The following SORCS1 variants were observed in gnomAD, a reference collection of about 807,000 sequenced individuals.
SORCS1 encodes the protein sortilin related VPS10 domain containing receptor 1, also known as VPS10 domain-containing receptor SorCS1.
A neutral mutation model predicts 146.1 loss-of-function variants in SORCS1; 60 were observed. The observed-to-expected ratio is 0.41, with a 90% CI of 0.33 to 0.51. The LOEUF (loss-of-function observed/expected upper bound fraction) is 0.51. Ranked by LOEUF, SORCS1 falls within the 20% of genes least tolerant of loss-of-function variation. The pLI is 0.21. For missense variants in SORCS1, 1,352 were observed against 1,487.6 expected (o/e 0.91, Z 1.50); for synonymous variants, 637 against 584.0 (o/e 1.09, Z -1.31).
intron 21 of SORCS1, among the ~76,000 whole-genome samples, chr10:106,616,819 G>A (rs1201306430): frequency 6.6e-6 from 1 of 152,166 alleles, no homozygotes; most frequent in Non-Finnish European, 1.5e-5. Flanking sequence ...GGCAAGATGA[G>A]CATTAACAGA....
intron 1 of SORCS1, among the ~76,000 whole-genome samples, chr10:107,145,811 TA>T (rs1311798405): frequency 1.3e-5 from 2 of 152,198 alleles, no homozygotes; most frequent in Admixed American, 6.5e-5. Context: ...GGACAACTTT[TA>T]AATAGAGAGA....
rs971103195 is a variant in SORCS1 at position 107,124,536 on chromosome 10, AAAGG to A, written c.558+39429_558+39432del. On this transcript the variant is annotated intron_variant, in intron 1 of 25. Transcript: ENST00000263054. The stretch of plus-strand genomic sequence containing the variant: ...CTCTTAACTGAGCACAGAAAACTGA[AAAGG>A]AAGGTAAACGAACCATTAATGGCAT... Among the ~76,000 whole-genome samples, 145 of 152,268 alleles carry A rather than the reference AAAGG, an allele frequency of 9.5e-4. 2 individuals carry two copies. The highest frequency in any genetic ancestry group is 3.4e-3 in the Middle Eastern group (1 of 294).
intron 5 of SORCS1, among the ~76,000 whole-genome samples, chr10:106,753,025 C>G (rs541299138): frequency 6.6e-6 from 1 of 151,768 alleles, no homozygotes; most frequent in East Asian, 1.9e-4. Context: ...TTTTTGCAGA[C>G]AGTGACCTGC....
At chr10:106,889,325 G>A (rs1412299622) in intron 2 of SORCS1, among the ~76,000 whole-genome samples, 1 of 152,100 alleles carries the variant, frequency 6.6e-6, no homozygotes, top group Admixed American at 6.5e-5. Context: ...GACAGCAATT[G>A]TAGGGCCTTA....
At chr10:106,758,051 A>C (rs1438610173) in intron 5 of SORCS1, among the ~76,000 whole-genome samples, 3 of 152,226 alleles carry the variant, frequency 2.0e-5, no homozygotes, top group Non-Finnish European at 1.5e-5. Flanking sequence ...AAACAAAAGA[A>C]GGAGGTTTTA....
At chr10:107,006,565 C>G (rs921430216) in intron 1 of SORCS1, among the ~76,000 whole-genome samples, 1 of 152,222 alleles carries the variant, frequency 6.6e-6, no homozygotes, top group Admixed American at 6.5e-5. Context: ...CGCCTGTAAT[C>G]CCAGCACTTT....
intron 2 of SORCS1, among the ~76,000 whole-genome samples, chr10:106,838,994 A>G (rs1254252552): frequency 6.6e-6 from 1 of 152,154 alleles, no homozygotes; most frequent in African/African-American, 2.4e-5. Flanking sequence ...GACTGCTCCA[A>G]CAACCAGCTA....
Position 106,577,242 on chromosome 10 carries a change from G to T in SORCS1, c.*178C>A. On this transcript the variant is annotated 3_prime_UTR_variant, in exon 26 of 26. Transcript: ENST00000263054. ...CCATTCAAACATTTACATAGGTAGG[G>T]ATTTCTTTTGTGCTTTGATTCTCAG... 1 of 1,595,118 alleles carries T rather than the reference G, an allele frequency of 6.3e-7. No homozygotes were observed.
intron 17 of SORCS1, among the ~76,000 whole-genome samples, chr10:106,664,329 G>C (rs545168218): frequency 1.3e-5 from 2 of 152,052 alleles, no homozygotes; most frequent in Non-Finnish European, 2.9e-5. Flanking sequence ...TGTTTTATTT[G>C]ATGTTAGTCA....
At position 106,618,408 on chromosome 10, in the gene SORCS1, T is replaced by G. The variant is rs1847521380; in HGVS notation, c.2797-136A>C. 10 of 1,077,074 alleles carry G rather than the reference T, an allele frequency of 9.3e-6. No individual in the cohort carries two copies. In the South Asian group the frequency reaches 1.4e-4, roughly 16 times the overall value. The allele number at this position is 1,077,074 out of a possible 1,614,324, so 66.7% of individuals were successfully genotyped here. The stretch of plus-strand genomic sequence containing the variant: ...ATGTACCACAATGGCACTGAGTCCC[T>G]CTATGCCTCCCTATCATCTCAAGCC... On this transcript the variant is annotated intron_variant, in intron 20 of 25. Transcript: ENST00000263054.
At chr10:106,679,403 G>T in intron 11 of SORCS1, 71 bp from the exon 12 acceptor site, 1 of 1,263,850 alleles carries the variant, frequency 7.9e-7, no homozygotes, top group Non-Finnish European at 1.1e-6. Context: ...ATTGGCAGGT[G>T]CACTGCCTGA....
At chr10:106,854,948 A>T (rs966728747) in intron 2 of SORCS1, among the ~76,000 whole-genome samples, 4 of 152,162 alleles carry the variant, frequency 2.6e-5, no homozygotes, top group African/African-American at 9.6e-5. Context: ...ACATTCACTT[A>T]TTCATTCTGA....
intron 1 of SORCS1, among the ~76,000 whole-genome samples, chr10:107,088,518 G>C (rs1277156559): frequency 6.6e-6 from 1 of 152,154 alleles, no homozygotes; most frequent in Non-Finnish European, 1.5e-5. Flanking sequence ...CCAGTTCACA[G>C]GGGAAATAAC....
At chr10:106,646,802 T>C (rs1382721445) in intron 18 of SORCS1, among the ~76,000 whole-genome samples, 2 of 151,938 alleles carry the variant, frequency 1.3e-5, no homozygotes, top group Non-Finnish European at 2.9e-5. Context: ...TGTATTCCCA[T>C]ATGGATATTC....
Position 106,629,450 on chromosome 10 carries a change from C to A in SORCS1, c.2476-62G>T. On this transcript the variant is annotated intron_variant, in intron 18 of 25. Transcript: ENST00000263054. Reference sequence around the variant, plus strand: ...TATTCGGCTGCTCCTGCCTAGGGGACTGGGGACTACGGCTTGTCCTAGTCC... The same window carrying A: ...TATTCGGCTGCTCCTGCCTAGGGGAATGGGGACTACGGCTTGTCCTAGTCC... 3 of 1,557,034 alleles carry A rather than the reference C, an allele frequency of 1.9e-6. No homozygotes were observed. In the Admixed American group the frequency reaches 5.3e-5, roughly 28 times the overall value.
At chr10:106,708,009 G>A (rs1035925532) in intron 7 of SORCS1, among the ~76,000 whole-genome samples, 4 of 152,176 alleles carry the variant, frequency 2.6e-5, no homozygotes, top group Admixed American at 1.3e-4. Flanking sequence ...GTTCATGGTG[G>A]CATGGGTAAA....
intron 2 of SORCS1, among the ~76,000 whole-genome samples, chr10:106,955,615 G>T (rs1049553499): frequency 2.6e-5 from 4 of 152,224 alleles, no homozygotes; most frequent in African/African-American, 7.2e-5. Flanking sequence ...CAAAGATAAG[G>T]GTGTGCATGA....
chr10:107,039,332 G>GAAAAAA (rs58915918), intron 1 of SORCS1, among the ~76,000 whole-genome samples: 8 of 109,926 alleles, frequency 7.3e-5, no homozygotes, highest in African/African-American at 1.1e-4. Context: ...CTCAAATAAA[G>GAAAAAA]AAAAAAAAAA....
At position 106,976,334 on chromosome 10, in the gene SORCS1, T is replaced by TTTTGTTTTG. The variant is rs745359334; in HGVS notation, c.559-19755_559-19754insCAAAACAAA. Among the ~76,000 whole-genome samples, 151 of 69,932 alleles carry TTTTGTTTTG rather than the reference T, an allele frequency of 2.2e-3. 2 individuals carry two copies. Among genetic ancestry groups the TTTTGTTTTG allele is most frequent in the African/African-American group, 8.1e-3 (113 of 13,880 alleles). The allele number at this position is 69,932 out of a possible 152,430, so 45.9% of individuals were successfully genotyped here. On this transcript the variant is annotated intron_variant, in intron 1 of 25. Transcript: ENST00000263054. The stretch of plus-strand genomic sequence containing the variant: ...TCAACTCATCATCTAGGTTTTTTTG[T>TTTTGTTTTG]TTTTTTTTTTTTTTTGAGACGGAGT...
Sources: gnomAD v4.1 joint callset for allele counts (sites outside exome capture counted in the v4.1 genomes callset) on GRCh38, gnomAD v4.1.1 for gene constraint, MANE v1.5 for transcripts, NCBI Gene and HGNC (gene_info 2026-07-23, HGNC 2026-07-21) for gene names.